The following NEK7 variants were observed in gnomAD, a reference collection of about 807,000 sequenced individuals.
The protein encoded by NEK7 is serine/threonine-protein kinase Nek7.
NEK7 carries 18 observed loss-of-function variants against 44.6 expected under a neutral mutation model. The observed-to-expected ratio is 0.40, with a 90% CI of 0.28 to 0.60. NEK7 has a LOEUF of 0.60. NEK7 is among the 20% of genes least tolerant of loss of function. NEK7 has a pLI of 0.38. For synonymous variants in NEK7, 130 were observed against 121.1 expected, an observed-to-expected ratio of 1.07 and a Z score of -0.48; for missense variants, 256 against 366.5, an observed-to-expected ratio of 0.70 and a Z score of 2.46.
In NEK7 at chr1:198,292,846, G is replaced by A. The variant is rs572274598; in HGVS notation, c.590-99G>A. The stretch of plus-strand genomic sequence containing the variant: ...CTTTCGATCCTAATGAATTATTTTG[G>A]TGATGTTTTTAAATTCAAAATTTTG... On this transcript the variant is annotated intron_variant, in intron 7 of 9. Transcript: ENST00000367385. The A allele has an allele frequency of 6.9e-4, 507 of 737,878 alleles. 4 individuals are homozygous for A. In the South Asian group the frequency reaches 7.5e-3, roughly 11 times the overall value. 45.7% of individuals were successfully genotyped at this position (737,878 alleles called of 1,614,324 possible).
In NEK7 at chr1:198,287,361, T is replaced by G. The variant is rs550390575; in HGVS notation, c.590-5584T>G. Among the ~76,000 whole-genome samples, 15 of 151,582 alleles carry G rather than the reference T, an allele frequency of 9.9e-5. No individual in the cohort carries two copies. The East Asian group carries it at 2.9e-3, about 30-fold the overall frequency. The stretch of plus-strand genomic sequence containing the variant: ...CTGAGTGTGGATCACGCCACTGCAC[T>G]CCAGCCTGGGCAACAGAGCAAGACT... On this transcript the variant is annotated intron_variant, in intron 7 of 9. Transcript: ENST00000367385.
At chr1:198,220,768 C>T (rs191486482) in intron 1 of NEK7, 83 of 152,138 alleles carry the variant, frequency 5.5e-4, no homozygotes, top group African/African-American at 1.9e-3. Context: ...GATACCCTTT[C>T]ATTTTTTAGG....
intron 7 of NEK7, among the ~76,000 whole-genome samples, chr1:198,287,327 A>G (rs2102997245): frequency 6.6e-6 from 1 of 152,044 alleles, no homozygotes; most frequent in Admixed American, 6.5e-5. Context: ...TAAAAATACA[A>G]AAAAATAGCT....
chr1:198,231,896 A>G (rs1009722400), intron 1 of NEK7, among the ~76,000 whole-genome samples: 1 of 152,116 alleles, frequency 6.6e-6, no homozygotes, highest in Non-Finnish European at 1.5e-5. Flanking sequence ...GAACCTAGAA[A>G]CACGTGGTGT....
Position 198,224,970 on chromosome 1 carries a change from G to A in NEK7, c.-28-7583G>A, listed in dbSNP as rs368815169. On this transcript the variant is annotated intron_variant, in intron 1 of 9. Transcript: ENST00000367385. ...ACCAAGTGGACAGTTGGATGTAGGC[G>A]TTTATAGTTCAGAGCTCAGGATAGA... Among the ~76,000 whole-genome samples the A allele has an allele frequency of 8.9e-4, 136 of 152,192 alleles. 1 individual carries two copies. Among genetic ancestry groups the A allele is most frequent in the African/African-American group, 2.9e-3 (121 of 41,526 alleles).
chr1:198,163,969 T>C (rs1400310019), intron 1 of NEK7, among the ~76,000 whole-genome samples: 2 of 152,260 alleles, frequency 1.3e-5, no homozygotes, highest in South Asian at 2.1e-4. Context: ...GGCTGGGCAC[T>C]GTGGCTCACA....
intron 5 of NEK7, among the ~76,000 whole-genome samples, chr1:198,269,848 C>G (rs1653780198): frequency 6.6e-6 from 1 of 151,922 alleles, no homozygotes; most frequent in African/African-American, 2.4e-5. Context: ...GAAATACTTC[C>G]CAGATGAGTT....
At chr1:198,227,865 T>G (rs1258950594) in intron 1 of NEK7, among the ~76,000 whole-genome samples, 1 of 152,182 alleles carries the variant, frequency 6.6e-6, no homozygotes, top group African/African-American at 2.4e-5. Flanking sequence ...AGAAGCTCTT[T>G]AGTTGAATTA....
chr1:198,170,555 C>T (rs994042210), intron 1 of NEK7, among the ~76,000 whole-genome samples: 1 of 152,052 alleles, frequency 6.6e-6, no homozygotes, highest in African/African-American at 2.4e-5. Flanking sequence ...CCTTTTTATT[C>T]CTTAAAGGTA....
intron 1 of NEK7, among the ~76,000 whole-genome samples, chr1:198,224,347 T>C (rs2102852335): frequency 6.6e-6 from 1 of 152,316 alleles, no homozygotes; most frequent in Non-Finnish European, 1.5e-5. Flanking sequence ...AATAACATGC[T>C]ATACAGGTTT....
At chr1:198,286,667 C>T (rs1654380355) in intron 7 of NEK7, among the ~76,000 whole-genome samples, 1 of 152,206 alleles carries the variant, frequency 6.6e-6, no homozygotes, top group Non-Finnish European at 1.5e-5. Context: ...TCCAATATGA[C>T]TCTAACCAGG....
chr1:198,313,335 C>G (rs574995747), intron 9 of NEK7, among the ~76,000 whole-genome samples: 25 of 151,506 alleles, frequency 1.7e-4, no homozygotes, highest in African/African-American at 5.6e-4. Flanking sequence ...ATGTGTGTCT[C>G]TGCATGTGAG....
chr1:198,197,733 G>A, intron 1 of NEK7: 1 of 583,414 alleles, frequency 1.7e-6, no homozygotes, highest in Admixed American at 2.2e-5. Context: ...AGTTCGATGG[G>A]AGAACAGAAC....
chr1:198,225,826 CCTT>C (rs1446652164), intron 1 of NEK7, among the ~76,000 whole-genome samples: 23 of 152,092 alleles, frequency 1.5e-4, no homozygotes, highest in Non-Finnish European at 2.9e-4. Context: ...TCAGGCAGCA[CCTT>C]CTTTGGGGAG....
chr1:198,249,462 C>T (rs1205327297), intron 2 of NEK7, among the ~76,000 whole-genome samples: 1 of 151,906 alleles, frequency 6.6e-6, no homozygotes, highest in African/African-American at 2.4e-5. Context: ...TGAGGAATCG[C>T]CACACTGACT....
intron 1 of NEK7, among the ~76,000 whole-genome samples, chr1:198,188,106 A>G (rs986811783): frequency 3.3e-5 from 5 of 152,200 alleles, no homozygotes; most frequent in African/African-American, 1.2e-4. Flanking sequence ...CCTTGTTTTA[A>G]TAGTCATAGT....
chr1:198,184,884 T>TA (rs1480511586), intron 1 of NEK7, among the ~76,000 whole-genome samples: 1 of 152,062 alleles, frequency 6.6e-6, no homozygotes, highest in Non-Finnish European at 1.5e-5. Context: ...GTTAGTTAGT[T>TA]AGTTAGTAGA....
chr1:198,272,823 TTC>T (rs958214380), intron 5 of NEK7, among the ~76,000 whole-genome samples: 1 of 151,632 alleles, frequency 6.6e-6, no homozygotes, highest in African/African-American at 2.4e-5. Flanking sequence ...TTTTTTAATA[TTC>T]TAAATAAGTT....
intron 2 of NEK7, among the ~76,000 whole-genome samples, chr1:198,247,304 A>C (rs572986019): frequency 6.6e-6 from 1 of 152,244 alleles, no homozygotes. Context: ...AACATTGAAA[A>C]TATCTGTGGA....
Sources: allele counts gnomAD v4.1 joint callset (sites outside exome capture counted in the v4.1 genomes callset), GRCh38; gene constraint gnomAD v4.1.1; transcripts MANE v1.5; gene names NCBI Gene and HGNC (gene_info 2026-07-23, HGNC 2026-07-21).